Variants in MRPS28 observed in about 807,000 individuals in gnomAD.
MRPS28 encodes the protein small ribosomal subunit protein bS1m.
A neutral mutation model predicts 10.8 loss-of-function variants in MRPS28; 7 were observed. The observed-to-expected ratio is 0.65, with a 90% CI of 0.37 to 1.22. The LOEUF (loss-of-function observed/expected upper bound fraction) is 1.22. Ranked by LOEUF, MRPS28 falls within the 50% of genes most tolerant of loss-of-function variation. MRPS28 has a pLI of 0.02. For missense variants in MRPS28, 265 were observed against 232.9 expected, an observed-to-expected ratio of 1.14 and a Z score of -0.90; for synonymous variants, 121 against 93.3, an observed-to-expected ratio of 1.30 and a Z score of -1.71.
At chr8:79,933,417 T>C (rs1806520132) in intron 2 of MRPS28, among the ~76,000 whole-genome samples, 2 of 152,232 alleles carry the variant, frequency 1.3e-5, no homozygotes, top group African/African-American at 4.8e-5. Flanking sequence ...ATTACTTCCT[T>C]ACAGGTTCAG....
At chr8:79,986,483 T>C (rs1808179508) in intron 2 of MRPS28, among the ~76,000 whole-genome samples, 1 of 152,210 alleles carries the variant, frequency 6.6e-6, no homozygotes, top group Admixed American at 6.5e-5. Flanking sequence ...GGAAGTCAAC[T>C]TGTCCCTGTT....
chr8:80,010,876 A>G (rs1809021611), intron 1 of MRPS28, among the ~76,000 whole-genome samples: 1 of 152,258 alleles, frequency 6.6e-6, no homozygotes, highest in Non-Finnish European at 1.5e-5. Flanking sequence ...TAAACTAAAG[A>G]CAAGTCAGTA....
intron 1 of MRPS28, among the ~76,000 whole-genome samples, chr8:80,022,211 CTTT>C (rs111833815): frequency 6.9e-6 from 1 of 145,158 alleles, no homozygotes. Flanking sequence ...TTGGGACTGG[CTTT>C]TTTTTTTTCA....
chr8:79,920,305 C>T (rs113174437), intron 2 of MRPS28, among the ~76,000 whole-genome samples: 1 of 152,126 alleles, frequency 6.6e-6, no homozygotes, highest in Non-Finnish European at 1.5e-5. Flanking sequence ...GGTATATACC[C>T]AGTAATGAGA....
intron 1 of MRPS28, 146 bp downstream of exon 1, chr8:80,029,890 T>C: frequency 6.5e-7 from 1 of 1,536,636 alleles, no homozygotes; most frequent in South Asian, 1.2e-5. Flanking sequence ...GGCCGAGGGC[T>C]GAGCCACAAC....
rs114476418 is a variant in MRPS28, at chr8:80,010,814, T to A, written c.214-7634A>T. On this transcript the variant is annotated intron_variant, in intron 1 of 2. Transcript: ENST00000276585. Reference sequence around the variant, plus strand: ...AGGGAGGGTATGATGATGAATTTACTTGGTGAACTGAAACACACAGGGAAA... The same window carrying A: ...AGGGAGGGTATGATGATGAATTTACATGGTGAACTGAAACACACAGGGAAA... Among the ~76,000 whole-genome samples, 1,049 of 152,318 alleles carry A rather than the reference T, an allele frequency of 6.9e-3. 7 individuals carry two copies. Among genetic ancestry groups the A allele is most frequent in the African/African-American group, 0.024 (1,004 of 41,558 alleles).
chr8:79,920,878 A>T (rs952544254), intron 2 of MRPS28, among the ~76,000 whole-genome samples: 2 of 152,160 alleles, frequency 1.3e-5, no homozygotes, highest in African/African-American at 4.8e-5. Context: ...CTATGTCCTG[A>T]ATAGTATTGC....
At chr8:80,026,918 A>C in intron 1 of MRPS28, among the ~76,000 whole-genome samples, 1 of 152,168 alleles carries the variant, frequency 6.6e-6, no homozygotes, top group East Asian at 1.9e-4. Flanking sequence ...CATTAAGAAA[A>C]AAAATTATTT....
At position 79,949,435 on chromosome 8, in the gene MRPS28, C is replaced by CA. The variant is rs564577699; in HGVS notation, c.396-30288dup. Reference sequence around the variant, plus strand: ...TCTCAAAAAAAAAAAAAAACAACAACAAAAAAAAACAAAACTAATCTGCTT... The same window carrying CA: ...TCTCAAAAAAAAAAAAAAACAACAACAAAAAAAAAACAAAACTAATCTGCTT... On this transcript the variant is annotated intron_variant, in intron 2 of 2. Coordinates refer to ENST00000276585, the MANE Select transcript of MRPS28 (RefSeq NM_014018.3). Among the ~76,000 whole-genome samples, 603 of 147,030 alleles carry CA rather than the reference C, an allele frequency of 4.1e-3. 3 individuals are homozygous for CA. The highest frequency in any genetic ancestry group is 7.1e-3 in the South Asian group (33 of 4,644).
In MRPS28 at chr8:79,958,254, T is replaced by C. The variant is rs566325327; in HGVS notation, c.396-39106A>G. 914 of 609,118 alleles carry C rather than the reference T, an allele frequency of 1.5e-3. 13 individuals are homozygous for C. The highest frequency in any genetic ancestry group is 0.011 in the South Asian group (567 of 49,426). 37.7% of individuals were successfully genotyped at this position (609,118 alleles called of 1,614,324 possible). A position where few individuals can be genotyped will look rare whatever the true frequency, so the allele number is the denominator to read the frequency against. Reference sequence around the variant, plus strand: ...TGAACATTTCATATAAATGGAATCATACAATATATGATCTTTTGTGAATGG... The same window carrying C: ...TGAACATTTCATATAAATGGAATCACACAATATATGATCTTTTGTGAATGG... On this transcript the variant is annotated intron_variant, in intron 2 of 2. Transcript: ENST00000276585.
intron 1 of MRPS28, among the ~76,000 whole-genome samples, chr8:80,008,993 C>T (rs1184260974): frequency 1.3e-5 from 2 of 152,200 alleles, no homozygotes; most frequent in Non-Finnish European, 2.9e-5. Flanking sequence ...TACTGTGGCA[C>T]TATTCACAAT....
At chr8:79,955,503 C>T (rs754970681) in intron 2 of MRPS28, among the ~76,000 whole-genome samples, 4 of 152,124 alleles carry the variant, frequency 2.6e-5, no homozygotes, top group East Asian at 1.9e-4. Flanking sequence ...TATCCTTACC[C>T]TCAGCTTCCA....
intron 2 of MRPS28, among the ~76,000 whole-genome samples, chr8:79,992,891 G>T (rs114064499): frequency 0.023 from 3,446 of 152,214 alleles, 148 homozygotes; most frequent in African/African-American, 0.078. Flanking sequence ...TAATAACAAG[G>T]TTAAAGAAAA....
chr8:79,983,112 T>A (rs550835282), intron 2 of MRPS28, among the ~76,000 whole-genome samples: 71 of 152,172 alleles, frequency 4.7e-4, no homozygotes, highest in African/African-American at 1.3e-3. Context: ...CATTCACGGT[T>A]CAAGAAAATC....
chr8:79,942,066 C>T (rs1165801310), intron 2 of MRPS28, among the ~76,000 whole-genome samples: 2 of 152,148 alleles, frequency 1.3e-5, no homozygotes, highest in Non-Finnish European at 2.9e-5. Context: ...TGAGACTCAA[C>T]TTACATCCCC....
chr8:79,921,105 T>C (rs1451914870), intron 2 of MRPS28, among the ~76,000 whole-genome samples: 6 of 152,304 alleles, frequency 3.9e-5, no homozygotes, highest in East Asian at 1.9e-4. Flanking sequence ...GTTGTAGATA[T>C]GAGGCATTAT....
chr8:80,004,797 T>C (rs1808779094), intron 1 of MRPS28, among the ~76,000 whole-genome samples: 1 of 152,212 alleles, frequency 6.6e-6, no homozygotes, highest in Non-Finnish European at 1.5e-5. Context: ...TTAAATGACC[T>C]GATGGAGCTG....
intron 2 of MRPS28, among the ~76,000 whole-genome samples, chr8:80,001,404 T>G (rs946060357): frequency 3.3e-5 from 5 of 152,186 alleles, no homozygotes; most frequent in Admixed American, 3.3e-4. Context: ...CTTACTTGCC[T>G]CCTTCATAAA....
At chr8:79,946,182 C>A in intron 2 of MRPS28, among the ~76,000 whole-genome samples, 1 of 152,108 alleles carries the variant, frequency 6.6e-6, no homozygotes, top group African/African-American at 2.4e-5. Flanking sequence ...TCCTTTACAT[C>A]CCCAATGTCA....
Sources: allele counts gnomAD v4.1 joint callset (sites outside exome capture counted in the v4.1 genomes callset), GRCh38; gene constraint gnomAD v4.1.1; transcripts MANE v1.5; gene names NCBI Gene and HGNC (gene_info 2026-07-23, HGNC 2026-07-21).